The following SPOCK1 variants were observed in gnomAD, a reference collection of about 807,000 sequenced individuals.
SPOCK1 encodes the protein SPARC (osteonectin), cwcv and kazal like domains proteoglycan 1, also known as testican-1.
In SPOCK1, 23 loss-of-function variants were observed where a neutral mutation model predicts 55.3. The ratio of observed to expected loss-of-function variants is 0.42; its 90% CI spans 0.30 to 0.59. The LOEUF (loss-of-function observed/expected upper bound fraction) is 0.59. SPOCK1 is among the 20% of genes least tolerant of loss of function. SPOCK1 has a pLI of 0.22. For missense variants in SPOCK1, 499 were observed against 552.5 expected, an observed-to-expected ratio of 0.90 and a Z score of 0.97; for synonymous variants, 226 against 221.0, an observed-to-expected ratio of 1.02 and a Z score of -0.20.
chr5:137,382,140 C>T (rs68076125), intron 2 of SPOCK1, among the ~76,000 whole-genome samples: 2,589 of 152,296 alleles, frequency 0.017, 24 homozygotes, highest in Middle Eastern at 0.027. Context: ...GGCAAAATGC[C>T]ACCAGTCTCT....
intron 2 of SPOCK1, among the ~76,000 whole-genome samples, chr5:137,478,899 A>T (rs1228688552): frequency 6.6e-6 from 1 of 152,088 alleles, no homozygotes; most frequent in East Asian, 1.9e-4. Context: ...TGAAACAATA[A>T]TTCTTACCCA....
chr5:137,496,561 C>G (rs1046372373), intron 2 of SPOCK1, among the ~76,000 whole-genome samples: 7 of 152,248 alleles, frequency 4.6e-5, no homozygotes, highest in Non-Finnish European at 8.8e-5. Context: ...TGGCTCAATT[C>G]TTCCACCTCT....
chr5:137,174,901 C>T (rs1421868540), intron 3 of SPOCK1, among the ~76,000 whole-genome samples: 2 of 152,112 alleles, frequency 1.3e-5, no homozygotes, highest in African/African-American at 4.8e-5. Flanking sequence ...CCATGGAGCA[C>T]CCCTCACTCT....
intron 2 of SPOCK1, among the ~76,000 whole-genome samples, chr5:137,372,567 G>A (rs1363070480): frequency 6.6e-6 from 1 of 152,202 alleles, no homozygotes; most frequent in Admixed American, 6.5e-5. Flanking sequence ...TGATGTCAGA[G>A]GGTAATTCCA....
chr5:137,175,184 C>G (rs991206663), intron 3 of SPOCK1, among the ~76,000 whole-genome samples: 2 of 152,106 alleles, frequency 1.3e-5, no homozygotes, highest in Non-Finnish European at 2.9e-5. Flanking sequence ...AGGCATGAAG[C>G]CTTGTGGAAA....
chr5:137,040,444 T>C (rs1239124263), intron 6 of SPOCK1, among the ~76,000 whole-genome samples: 4 of 152,176 alleles, frequency 2.6e-5, no homozygotes, highest in Non-Finnish European at 5.9e-5. Context: ...CAAACATATC[T>C]GGGAGCAAGG....
intron 3 of SPOCK1, among the ~76,000 whole-genome samples, chr5:137,186,549 G>C (rs866468186): frequency 6.6e-6 from 1 of 152,230 alleles, no homozygotes; most frequent in Non-Finnish European, 1.5e-5. Context: ...ACAAGGCAAT[G>C]GGAAGGGGAC....
intron 4 of SPOCK1, among the ~76,000 whole-genome samples, 155 bp downstream of exon 4, chr5:137,140,425 T>C (rs970852066): frequency 2.6e-5 from 4 of 152,198 alleles, no homozygotes; most frequent in Admixed American, 2.0e-4. Context: ...GAGATTCCTA[T>C]CATAGTCAGA....
At chr5:137,434,318 C>A (rs151040505) in intron 2 of SPOCK1, among the ~76,000 whole-genome samples, 1 of 152,026 alleles carries the variant, frequency 6.6e-6, no homozygotes, top group African/African-American at 2.4e-5. Flanking sequence ...TAAAAAACAT[C>A]CCCCATTCCA....
At chr5:137,184,309 C>G (rs1755024253) in intron 3 of SPOCK1, among the ~76,000 whole-genome samples, 1 of 152,142 alleles carries the variant, frequency 6.6e-6, no homozygotes, top group South Asian at 2.1e-4. Flanking sequence ...AAGCCTGGTT[C>G]AGGGGCATCT....
intron 9 of SPOCK1, among the ~76,000 whole-genome samples, chr5:136,984,700 T>C (rs1012257465): frequency 2.0e-5 from 3 of 152,230 alleles, no homozygotes; most frequent in Non-Finnish European, 4.4e-5. Context: ...TACATGTCGT[T>C]CAACCCTGTT....
At chr5:137,034,325 A>C (rs1751839208) in intron 6 of SPOCK1, among the ~76,000 whole-genome samples, 1 of 152,160 alleles carries the variant, frequency 6.6e-6, no homozygotes, top group Non-Finnish European at 1.5e-5. Flanking sequence ...GTGGGGTCCT[A>C]CCAGGTGCCA....
At chr5:137,078,216 C>G (rs753077603) in intron 5 of SPOCK1, among the ~76,000 whole-genome samples, 16 of 152,270 alleles carry the variant, frequency 1.1e-4, no homozygotes, top group Non-Finnish European at 1.6e-4. Context: ...TATGTGGGCT[C>G]AGGCAGCGCT....
rs1758139675 is a variant in SPOCK1 at position 137,329,895 on chromosome 5, G to A, written c.187-62840C>T. The stretch of plus-strand genomic sequence containing the variant: ...TGGTAGAAGGAAATGCTATTTTGGG[G>A]TCAGAACCTTCTTTGTAGTTCCTGT... On this transcript the variant is annotated intron_variant, in intron 2 of 10. Coordinates refer to ENST00000394945, the MANE Select transcript of SPOCK1 (RefSeq NM_004598.4). 2.0e-5 allele frequency among the ~76,000 whole-genome samples: 3 copies of A among 152,120 alleles called. No homozygotes were observed. In the South Asian group the frequency reaches 6.2e-4, roughly 32 times the overall value.
At chr5:137,075,477 A>T (rs1027386898) in intron 5 of SPOCK1, among the ~76,000 whole-genome samples, 1 of 152,228 alleles carries the variant, frequency 6.6e-6, no homozygotes, top group African/African-American at 2.4e-5. Flanking sequence ...TTAAAGGGCC[A>T]AGTGATCCAG....
At chr5:137,242,919 T>TTAAA (rs1222839489) in intron 3 of SPOCK1, among the ~76,000 whole-genome samples, 2 of 152,202 alleles carry the variant, frequency 1.3e-5, no homozygotes, top group Non-Finnish European at 2.9e-5. Flanking sequence ...AATGTGTGTA[T>TTAAA]TAAAATTCCT....
rs532784681 is a variant in SPOCK1 at position 137,069,093 on chromosome 5, T to C, written c.475-1264A>G. Among the ~76,000 whole-genome samples, 6 of 152,302 alleles carry C rather than the reference T, an allele frequency of 3.9e-5. No individual in the cohort carries two copies. The East Asian group carries it at 1.2e-3, about 29-fold the overall frequency. On this transcript the variant is annotated intron_variant, in intron 5 of 10. Transcript: ENST00000394945. Reference sequence around the variant, plus strand: ...CACAAATGCATACCTTTGAAAAAAGTCCACTAGCATTTGCAAAGCCACACA... The same window carrying C: ...CACAAATGCATACCTTTGAAAAAAGCCCACTAGCATTTGCAAAGCCACACA...
chr5:137,089,190 C>T (rs1022358871), intron 5 of SPOCK1, among the ~76,000 whole-genome samples: 4 of 152,178 alleles, frequency 2.6e-5, no homozygotes, highest in Non-Finnish European at 5.9e-5. Context: ...CCCTCTTTGT[C>T]CCTGCTCATG....
At chr5:137,298,532 T>A (rs1177722119) in intron 2 of SPOCK1, among the ~76,000 whole-genome samples, 1 of 152,222 alleles carries the variant, frequency 6.6e-6, no homozygotes. Flanking sequence ...ATTTTTAAGA[T>A]CTTCTGTATT....
Sources: gnomAD v4.1 joint callset for allele counts (sites outside exome capture counted in the v4.1 genomes callset) on GRCh38, gnomAD v4.1.1 for gene constraint, MANE v1.5 for transcripts, NCBI Gene and HGNC (gene_info 2026-07-23, HGNC 2026-07-21) for gene names.